Variants in TRIO observed in about 807,000 individuals in gnomAD.
TRIO encodes triple functional domain protein.
TRIO carries 58 observed loss-of-function variants against 351.9 expected under a neutral mutation model. The observed-to-expected ratio is 0.16, with a 90% CI of 0.13 to 0.21. The LOEUF is 0.21. TRIO is among the 10% of genes least tolerant of loss of function. TRIO has a pLI of 1.00. For missense variants in TRIO, 3,201 were observed against 4,027.8 expected (o/e 0.79, Z 5.56); for synonymous variants, 1,758 against 1,595.7 (o/e 1.10, Z -2.42).
chr5:14,358,875 A>G (rs1743874428), intron 12 of TRIO, among the ~76,000 whole-genome samples: 1 of 152,232 alleles, frequency 6.6e-6, no homozygotes, highest in Non-Finnish European at 1.5e-5. Context: ...TTAACCCCCT[A>G]CTGTATCACT....
intron 36 of TRIO, among the ~76,000 whole-genome samples, chr5:14,464,673 T>A (rs1476862866): frequency 6.6e-6 from 1 of 152,212 alleles, no homozygotes; most frequent in Non-Finnish European, 1.5e-5. Context: ...AAAGCCTTGT[T>A]GTGAGTGTAT....
At chr5:14,285,397 T>A (rs188464720) in intron 3 of TRIO, among the ~76,000 whole-genome samples, 216 of 151,998 alleles carry the variant, frequency 1.4e-3, no homozygotes, top group African/African-American at 5.0e-3. Context: ...ATACAGGCAT[T>A]TTTTTGGGGT....
chr5:14,497,006 G>T lies in TRIO; in HGVS notation c.8008G>T (p.Val2670Leu), dbSNP rs759829470. ...RKSREGLSNK[V>L]SVKLLNPNYI... ...GTCACGGGAAGGACTCAGCAACAAG[G>T]TATCTGTGAAGGTGTGTTCGGGGGT... Residue 2670 changes from valine (V) to leucine (L), a missense_variant, in exon 50 of 57, where the codon GTA becomes TTA. Val to Leu is a conservative substitution (Grantham distance 32, BLOSUM62 1). Coordinates refer to ENST00000344204, the MANE Select transcript of TRIO (RefSeq NM_007118.4). This position sits in a 1 kb window ranked among gnomAD's most constrained non-coding sequence, Gnocchi z 4.4. The T allele has an allele frequency of 1.2e-6, 2 of 1,614,104 alleles. No homozygotes were observed. Among genetic ancestry groups the T allele is most frequent in the African/African-American group, 1.3e-5 (1 of 74,940 alleles).
rs774658614 is a variant in TRIO, at chr5:14,509,980, G to A, written c.*1558G>A. ...TTTGTTTGTTTCTTCTTGTAAAATT[G>A]TACAGAAACTTTTTAAAAGAAATTG... On this transcript the variant is annotated 3_prime_UTR_variant, in exon 57 of 57. Transcript: ENST00000344204. 1 of 152,150 alleles carries A rather than the reference G, an allele frequency of 6.6e-6. No homozygotes were observed. The highest frequency in any genetic ancestry group is 1.5e-5 in the Non-Finnish European group (1 of 68,036). 9.4% of individuals were successfully genotyped at this position (152,150 alleles called of 1,614,324 possible). A position where few individuals can be genotyped will look rare whatever the true frequency, so the allele number is the denominator to read the frequency against.
rs531436873 is a variant in TRIO, at chr5:14,145,174, A to G, written c.157+1292A>G. ...CTTTTCCGTGGCCTCTTTGAAAATC[A>G]CCTCCCCAGATTCGGTGAGATCAGT... On this transcript the variant is annotated intron_variant, in intron 1 of 56. Transcript: ENST00000344204. Among the ~76,000 whole-genome samples, 45 of 151,762 alleles carry G rather than the reference A, an allele frequency of 3.0e-4. 1 individual carries two copies. In the East Asian group the frequency reaches 8.2e-3, roughly 28 times the overall value.
At chr5:14,152,020 A>G (rs1787871325) in intron 1 of TRIO, among the ~76,000 whole-genome samples, 1 of 152,208 alleles carries the variant, frequency 6.6e-6, no homozygotes, top group African/African-American at 2.4e-5. Flanking sequence ...GAACCACACA[A>G]ATATTGAAAA....
intron 1 of TRIO, among the ~76,000 whole-genome samples, chr5:14,157,437 G>C (rs1302673615): frequency 1.7e-5 from 2 of 114,534 alleles, no homozygotes; most frequent in Non-Finnish European, 1.8e-5. Flanking sequence ...CTCTCTCCCT[G>C]TCTCCCTCTC....
intron 8 of TRIO, among the ~76,000 whole-genome samples, chr5:14,308,648 A>G (rs1375800854): frequency 3.6e-5 from 4 of 109,620 alleles, no homozygotes; most frequent in Non-Finnish European, 8.0e-5. Flanking sequence ...CCACCCATTC[A>G]TCATCCATCC....
intron 2 of TRIO, 109 bp from the exon 3 acceptor site, chr5:14,280,213 C>A (rs1215536326): frequency 8.9e-6 from 9 of 1,014,812 alleles, no homozygotes; most frequent in Middle Eastern, 4.5e-4. Context: ...CTGCCCTGTG[C>A]AAATTTGTGT....
chr5:14,215,467 T>A (rs543500624), intron 1 of TRIO, among the ~76,000 whole-genome samples: 12 of 152,352 alleles, frequency 7.9e-5, no homozygotes, highest in African/African-American at 2.9e-4. Context: ...ACTTGATTTT[T>A]TTCCTTCAGC....
At chr5:14,486,523 A>C (rs757499022) in intron 47 of TRIO, among the ~76,000 whole-genome samples, 5 of 152,156 alleles carry the variant, frequency 3.3e-5, no homozygotes, top group African/African-American at 1.2e-4. Flanking sequence ...AAGAGGTTCA[A>C]TGTGGTGTTC....
intron 18 of TRIO, among the ~76,000 whole-genome samples, chr5:14,370,665 T>C (rs1745028172): frequency 6.6e-6 from 1 of 152,184 alleles, no homozygotes; most frequent in Admixed American, 6.5e-5. Flanking sequence ...ACCACAGTGA[T>C]TTTCTTTTTA....
chr5:14,323,673 G>GGTCT (rs1359986456), intron 9 of TRIO, among the ~76,000 whole-genome samples: 2 of 152,218 alleles, frequency 1.3e-5, no homozygotes, highest in Admixed American at 1.3e-4. Flanking sequence ...TGCGGTCTGG[G>GGTCT]GTCTCCCTGA....
intron 1 of TRIO, among the ~76,000 whole-genome samples, chr5:14,185,311 ACTC>A (rs1409392810): frequency 6.6e-6 from 1 of 151,724 alleles, no homozygotes; most frequent in Non-Finnish European, 1.5e-5. Context: ...AATCCTGAAA[ACTC>A]CTGATGCAGA....
chr5:14,359,730 G>A (rs1743967327), intron 13 of TRIO, among the ~76,000 whole-genome samples, 199 bp downstream of exon 13: 2 of 152,206 alleles, frequency 1.3e-5, no homozygotes, highest in East Asian at 3.9e-4. Context: ...GCTGGGGTAT[G>A]CTCAGCCCTG....
chr5:14,403,273 TGTG>T (rs1390442648), intron 31 of TRIO, among the ~76,000 whole-genome samples: 41 of 82,128 alleles, frequency 5.0e-4, no homozygotes, highest in East Asian at 2.2e-3. Flanking sequence ...GGGTGCAGGT[TGTG>T]GTGAGGGTGT....
At chr5:14,361,485 CTT>C (rs1360900701) in intron 13 of TRIO, among the ~76,000 whole-genome samples, 2 of 152,190 alleles carry the variant, frequency 1.3e-5, no homozygotes, top group Non-Finnish European at 2.9e-5. Context: ...CCTCTGTTCT[CTT>C]TAATCCTGAA....
At position 14,364,729 on chromosome 5, in the gene TRIO, G is replaced by A. The variant is rs1744445624; in HGVS notation, c.2667G>A (p.Gln889=). 3 of 1,613,274 alleles carry A rather than the reference G, an allele frequency of 1.9e-6. No homozygotes were observed. Among genetic ancestry groups the A allele is most frequent in the Middle Eastern group, 3.8e-4 (2 of 5,306 alleles). The stretch of plus-strand genomic sequence containing the variant: ...TGCTGGAGTTTCTTCATGAAAAACA[G>A]CAGGAATTGGATTTAGCCGCAGAGC... ...QDLLEFLHEK[Q]QELDLAAEQH... The change falls in exon 15 of 57, where the codon CAG becomes CAA. Residue 889 remains glutamine, a synonymous_variant. Coordinates refer to ENST00000344204, the MANE Select transcript of TRIO (RefSeq NM_007118.4).
At position 14,498,563 on chromosome 5, in the gene TRIO, A is replaced by T; in HGVS notation, c.8255A>T (p.Glu2752Val). ...CTGAAGATTGTGGGCGTGACCACGG[A>T]AGATGACGGCATCTACACGTGCATC... ...ATLKIVGVTT[E>V]DDGIYTCIAV... is the part of the protein sequence containing the mutation. Residue 2752 changes from glutamate to valine, a missense_variant, in exon 53 of 57, where the codon GAA becomes GTA. This residue lies in a region of TRIO where 1,089 missense variants were observed against 954.9 expected (regional missense o/e 1.14). Coordinates refer to ENST00000344204, the MANE Select transcript of TRIO (RefSeq NM_007118.4). 1 of 1,613,940 alleles carries T rather than the reference A, an allele frequency of 6.2e-7. No homozygotes were observed. Among genetic ancestry groups the T allele is most frequent in the East Asian group, 2.2e-5 (1 of 44,858 alleles).
Sources: gnomAD v4.1 joint callset for allele counts (sites outside exome capture counted in the v4.1 genomes callset) on GRCh38, gnomAD v4.1.1 for gene constraint, gnomAD v4.1.1 regional missense constraint, Gnocchi (gnomAD v3.1) non-coding constraint, MANE v1.5 for transcripts, NCBI Gene and HGNC (gene_info 2026-07-23, HGNC 2026-07-21) for gene names.